NTAN1: variants seen among roughly 807,000 people sequenced by gnomAD.
NTAN1 encodes the protein N-terminal asparagine amidase.
In NTAN1, 32 loss-of-function variants were observed where a neutral mutation model predicts 41.9. That is an observed-to-expected ratio of 0.76 (90% CI 0.58 to 1.03). The LOEUF (loss-of-function observed/expected upper bound fraction) is 1.03, where lower values mean the gene tolerates loss of function less well. NTAN1 is among the 50% of genes least tolerant of loss of function. The pLI is 0.00. For missense variants in NTAN1, 377 were observed against 377.5 expected (o/e 1.00, Z 0.01); for synonymous variants, 140 against 139.5 (o/e 1.00, Z -0.03).
At chr16:15,052,813 AGGC>A (rs1417393810) in intron 1 of NTAN1, among the ~76,000 whole-genome samples, 1 of 152,090 alleles carries the variant, frequency 6.6e-6, no homozygotes, top group Non-Finnish European at 1.5e-5. Context: ...TGACAGAGCA[AGGC>A]TCTGTCTCTC....
chr16:15,041,874 AG>A (rs2043830661), intron 5 of NTAN1, among the ~76,000 whole-genome samples, 198 bp from the exon 6 acceptor site: 1 of 152,202 alleles, frequency 6.6e-6, no homozygotes, highest in African/African-American at 2.4e-5. Flanking sequence ...GACCGCCAGG[AG>A]ATGGCCACAT....
intron 4 of NTAN1, chr16:15,047,103 G>T: frequency 3.2e-6 from 1 of 308,244 alleles, no homozygotes; most frequent in South Asian, 4.3e-5. Flanking sequence ...CATTTAACAA[G>T]CAACTGCGGG....
In NTAN1 at chr16:15,047,847, C is replaced by T. The variant is rs1232464175; in HGVS notation, c.250+8G>A. The T allele has an allele frequency of 2.5e-6, 4 of 1,608,246 alleles. No homozygotes were observed. In the South Asian group the frequency reaches 3.3e-5, roughly 13 times the overall value. ...AAGTAATGGTTTCCTTCACCTCTCT[C>T]ATCATACCTGTGTGCCTCAGGACCA... is the stretch of plus-strand genomic sequence containing the variant. On this transcript the variant is annotated splice_region_variant and intron_variant, in intron 3 of 9. Transcript: ENST00000287706.
intron 1 of NTAN1, among the ~76,000 whole-genome samples, chr16:15,054,393 G>T (rs2151735652): frequency 6.6e-6 from 1 of 152,248 alleles, no homozygotes; most frequent in African/African-American, 2.4e-5. Context: ...TGCAGCCCGG[G>T]ACACCCATCT....
intron 1 of NTAN1, among the ~76,000 whole-genome samples, chr16:15,054,382 G>T (rs1342512551): frequency 6.6e-6 from 1 of 152,178 alleles, no homozygotes; most frequent in Non-Finnish European, 1.5e-5. Context: ...ACACTTAAGT[G>T]TGCAGCCCGG....
intron 5 of NTAN1, among the ~76,000 whole-genome samples, chr16:15,043,707 T>C (rs779712883): frequency 2.0e-5 from 3 of 152,178 alleles, no homozygotes; most frequent in Non-Finnish European, 4.4e-5. Flanking sequence ...CCCAGCACTT[T>C]AAGAGGCCGA....
chr16:15,054,651 CA>C (rs1247694994), intron 1 of NTAN1, among the ~76,000 whole-genome samples: 2 of 152,196 alleles, frequency 1.3e-5, no homozygotes, highest in African/African-American at 4.8e-5. Flanking sequence ...TTCTCCCCGT[CA>C]GTAAGTCCTT....
chr16:15,038,722 A>C (rs771616157), intron 8 of NTAN1, 35 bp from the exon 9 acceptor site: 1 of 1,196,644 alleles, frequency 8.4e-7, no homozygotes, highest in Non-Finnish European at 1.2e-6. Flanking sequence ...GAATTTCAGG[A>C]ATGTCACCCA....
chr16:15,055,775 C>T, intron 1 of NTAN1, 116 bp downstream of exon 1: 1 of 516,484 alleles, frequency 1.9e-6, no homozygotes, highest in Non-Finnish European at 2.9e-6. Flanking sequence ...ACGGCCGGGG[C>T]TCCGGATGTG....
At chr16:15,043,411 G>A (rs757179553) in intron 5 of NTAN1, among the ~76,000 whole-genome samples, 9 of 152,184 alleles carry the variant, frequency 5.9e-5, no homozygotes, top group Admixed American at 2.0e-4. Context: ...GGGCATGGTG[G>A]CATGCACCTA....
At chr16:15,044,599 T>G in intron 4 of NTAN1, 192 bp from the exon 5 acceptor site, 1 of 593,776 alleles carries the variant, frequency 1.7e-6, no homozygotes. Flanking sequence ...CTGGGGACCC[T>G]GCCCAGGGGC....
At chr16:15,051,144 G>A (rs998124844) in intron 1 of NTAN1, among the ~76,000 whole-genome samples, 1 of 152,246 alleles carries the variant, frequency 6.6e-6, no homozygotes, top group East Asian at 1.9e-4. Flanking sequence ...AGAGAAGGGA[G>A]GGCGCAAAGG....
Position 15,039,869 on chromosome 16 carries a change from G to C in NTAN1, c.639+100C>G. 4.3e-6 allele frequency: 3 copies of C among 701,754 alleles called. No individual in the cohort carries two copies. The Admixed American group carries it at 6.7e-5, about 16-fold the overall frequency. 43.5% of individuals were successfully genotyped at this position (701,754 alleles called of 1,614,324 possible). On this transcript the variant is annotated intron_variant, in intron 8 of 9. Transcript: ENST00000287706. Reference sequence around the variant, plus strand: ...CCTGATAATGTACGGCTATAAAGAAGCTGACAGCATAAACTTTTCTAAGAT... The same window carrying C: ...CCTGATAATGTACGGCTATAAAGAACCTGACAGCATAAACTTTTCTAAGAT...
chr16:15,053,427 G>A (rs192813559), intron 1 of NTAN1, among the ~76,000 whole-genome samples: 10 of 152,208 alleles, frequency 6.6e-5, no homozygotes, highest in Admixed American at 5.2e-4. Flanking sequence ...AGAACACATC[G>A]TTACATGAAA....
intron 1 of NTAN1, among the ~76,000 whole-genome samples, chr16:15,052,956 A>G (rs2044355783): frequency 6.6e-6 from 1 of 152,192 alleles, no homozygotes; most frequent in Non-Finnish European, 1.5e-5. Flanking sequence ...TGACTGGTTA[A>G]GAGTGACTAA....
intron 1 of NTAN1, among the ~76,000 whole-genome samples, chr16:15,049,880 C>A (rs1258366041): frequency 1.3e-5 from 2 of 152,048 alleles, no homozygotes; most frequent in Non-Finnish European, 2.9e-5. Flanking sequence ...AAGCAAGATA[C>A]AAAAGTATAA....
intron 9 of NTAN1, 127 bp from the exon 10 acceptor site, chr16:15,038,337 G>C: frequency 2.9e-6 from 2 of 697,250 alleles, no homozygotes; most frequent in Non-Finnish European, 2.3e-6. Flanking sequence ...AAATGAGGTG[G>C]CCTGAATTAG....
At chr16:15,046,248 C>T (rs954488266) in intron 4 of NTAN1, among the ~76,000 whole-genome samples, 4 of 152,248 alleles carry the variant, frequency 2.6e-5, no homozygotes, top group Admixed American at 6.5e-5. Context: ...AAATCTCTCC[C>T]AGAGAACTCT....
chr16:15,038,238 A>C (rs373859338), intron 9 of NTAN1, 28 bp from the exon 10 acceptor site: 8 of 1,580,082 alleles, frequency 5.1e-6, no homozygotes, highest in Non-Finnish European at 6.9e-6. Flanking sequence ...TGGGCATTAG[A>C]GAAGCCAACC....
Sources: gnomAD v4.1 joint callset for allele counts (sites outside exome capture counted in the v4.1 genomes callset) on GRCh38, gnomAD v4.1.1 for gene constraint, MANE v1.5 for transcripts, NCBI Gene and HGNC (gene_info 2026-07-23, HGNC 2026-07-21) for gene names.